Variants in PLSCR1 observed in about 807,000 individuals in gnomAD.
PLSCR1 encodes the protein phospholipid scramblase 1.
Under a neutral mutation model 37.8 loss-of-function variants are expected in PLSCR1, and 17 were observed. The ratio of observed to expected loss-of-function variants is 0.45; its 90% confidence interval spans 0.31 to 0.68. PLSCR1 has a LOEUF of 0.68. PLSCR1 is among the 30% of genes least tolerant of loss of function. The pLI is 0.06. For missense variants in PLSCR1, 347 were observed against 380.9 expected (o/e 0.91, Z 0.74); for synonymous variants, 116 against 125.9 (o/e 0.92, Z 0.53).
Position 146,524,755 on chromosome 3 carries a change from G to C in PLSCR1, c.355+850C>G, listed in dbSNP as rs767781139. On this transcript the variant is annotated intron_variant, in intron 5 of 8. Coordinates refer to ENST00000342435, the MANE Select transcript of PLSCR1 (RefSeq NM_021105.3). Reference sequence around the variant, plus strand: ...AATGTGCTTTACAAATAACTTCAATGTAATAGATGACAATTGTATATTTTA... The same window carrying C: ...AATGTGCTTTACAAATAACTTCAATCTAATAGATGACAATTGTATATTTTA... 7.2e-5 allele frequency among the ~76,000 whole-genome samples: 11 copies of C among 152,116 alleles called. No individual in the cohort carries two copies. The South Asian group carries it at 2.3e-3, about 32-fold the overall frequency.
Position 146,517,022 on chromosome 3 carries a change from C to A in PLSCR1, c.884G>T (p.Gly295Val), listed in dbSNP as rs1266270880. ...CAGACTTACAATGAGGAAACAGGCA[C>A]CAATCATTACAGCTTTCATTTTAAC... is the stretch of plus-strand genomic sequence containing the variant. ...LDVKMKAVMIGACFLIDFMFF... is the reference protein window; with the variant it reads ...LDVKMKAVMIVACFLIDFMFF... The change falls in exon 8 of 9, where the codon GGT becomes GTT. Residue 295 changes from glycine to valine, a missense_variant. Transcript: ENST00000342435. 1 of 1,593,356 alleles carries A rather than the reference C, an allele frequency of 6.3e-7. No homozygotes were observed. The highest frequency in any genetic ancestry group is 1.8e-5 in the Admixed American group (1 of 55,868).
intron 2 of PLSCR1, among the ~76,000 whole-genome samples, chr3:146,535,191 G>T (rs2044249854): frequency 6.6e-6 from 1 of 152,030 alleles, no homozygotes; most frequent in African/African-American, 2.4e-5. Flanking sequence ...CCCTTGACAG[G>T]TATGTCACAT....
chr3:146,526,131 C>T (rs139373114), intron 4 of PLSCR1, among the ~76,000 whole-genome samples: 1,602 of 129,386 alleles, frequency 0.012, 59 homozygotes, highest in East Asian at 0.12. Flanking sequence ...TGCAGTGAGC[C>T]GAGATCGCGC....
intron 2 of PLSCR1, 141 bp from the exon 3 acceptor site, chr3:146,533,691 G>C (rs561989234): frequency 2.2e-6 from 1 of 446,922 alleles, no homozygotes; most frequent in East Asian, 3.4e-5. Flanking sequence ...TTCACTTAAC[G>C]TAAGCTGTGC....
At chr3:146,544,194 G>A (rs965606075) in intron 1 of PLSCR1, among the ~76,000 whole-genome samples, 3 of 152,202 alleles carry the variant, frequency 2.0e-5, no homozygotes, top group African/African-American at 7.2e-5. Flanking sequence ...GAATGGTTCT[G>A]GGGTGAGCCC....
At chr3:146,534,163 A>ACTT (rs1174489371) in intron 2 of PLSCR1, among the ~76,000 whole-genome samples, 3 of 152,158 alleles carry the variant, frequency 2.0e-5, no homozygotes, top group African/African-American at 7.2e-5. Flanking sequence ...GCTTGAGTAA[A>ACTT]CTTAATATAT....
In PLSCR1 at chr3:146,528,833, T is replaced by C; in HGVS notation, c.95-2A>G. ...GGTAGCCACTATATCCTGGAGGTCCTGAAATACAAACAAGTGAAATGATTT... is the reference window on the plus strand; with the variant it reads ...GGTAGCCACTATATCCTGGAGGTCCCGAAATACAAACAAGTGAAATGATTT... On this transcript the variant is annotated splice_acceptor_variant, in intron 3 of 8. Coordinates refer to ENST00000342435, the MANE Select transcript of PLSCR1 (RefSeq NM_021105.3). LOFTEE classifies it high-confidence loss of function. 2 of 1,606,830 alleles carry C rather than the reference T, an allele frequency of 1.2e-6. No homozygotes were observed. Among genetic ancestry groups the C allele is most frequent in the Non-Finnish European group, 1.7e-6 (2 of 1,175,606 alleles).
intron 3 of PLSCR1, among the ~76,000 whole-genome samples, chr3:146,532,560 T>C (rs1258684443): frequency 6.6e-6 from 1 of 152,214 alleles, no homozygotes; most frequent in East Asian, 1.9e-4. Flanking sequence ...CTGGATGAGA[T>C]CCGGGACCCG....
chr3:146,525,651 T>C lies in PLSCR1; in HGVS notation c.313-4A>G, dbSNP rs541398951. The C allele has an allele frequency of 8.2e-6, 12 of 1,462,402 alleles. No individual in the cohort carries two copies. The highest frequency in any genetic ancestry group is 7.1e-5 in the South Asian group (6 of 84,450). 90.6% of individuals were successfully genotyped at this position (1,462,402 alleles called of 1,614,324 possible). ...GATGAATCAGTATCTGATCTATCTA[T>C]AGCAGGAAAAAAAATAAGTGGTATG... On this transcript the variant is annotated splice_region_variant and splice_polypyrimidine_tract_variant and intron_variant, in intron 4 of 8. Coordinates refer to ENST00000342435, the MANE Select transcript of PLSCR1 (RefSeq NM_021105.3).
intron 3 of PLSCR1, among the ~76,000 whole-genome samples, chr3:146,532,356 T>A (rs1480133353): frequency 6.6e-6 from 1 of 152,208 alleles, no homozygotes; most frequent in East Asian, 1.9e-4. Flanking sequence ...TTAGAATCAC[T>A]TGGGGTGTTA....
At chr3:146,538,536 A>G (rs1211468731) in intron 1 of PLSCR1, among the ~76,000 whole-genome samples, 1 of 152,104 alleles carries the variant, frequency 6.6e-6, no homozygotes, top group Admixed American at 6.6e-5. Context: ...CCTCTCTATA[A>G]CATGCTTAGC....
At chr3:146,534,915 C>T (rs2044246538) in intron 2 of PLSCR1, among the ~76,000 whole-genome samples, 1 of 151,990 alleles carries the variant, frequency 6.6e-6, no homozygotes, top group Non-Finnish European at 1.5e-5. Context: ...AAAACAACAA[C>T]AAAAAACAAA....
intron 1 of PLSCR1, 124 bp from the exon 2 acceptor site, chr3:146,536,689 G>T: frequency 1.6e-6 from 1 of 629,330 alleles, no homozygotes; most frequent in Non-Finnish European, 2.9e-6. Context: ...TATTCATCCA[G>T]CCCAGCCTTA....
At chr3:146,528,227 CACCCCAGAGTG>C (rs2044146078) in intron 4 of PLSCR1, 1 of 179,196 alleles carries the variant, frequency 5.6e-6, no homozygotes, top group Non-Finnish European at 1.2e-5. Flanking sequence ...TTTAGGTTCT[CACCCCAGAGTG>C]AGCTATATAA....
Position 146,533,458 on chromosome 3 carries a change from C to A in PLSCR1, c.94+12G>T. The A allele has an allele frequency of 6.6e-7, 1 of 1,521,452 alleles. No individual in the cohort carries two copies. 94.2% of individuals were successfully genotyped at this position (1,521,452 alleles called of 1,614,324 possible). A position where few individuals can be genotyped will look rare whatever the true frequency, so the allele number is the denominator to read the frequency against. On this transcript the variant is annotated intron_variant, in intron 3 of 8. Transcript: ENST00000342435. ...TTAATTTTACTTTTTCTTCTTTCAG[C>A]AACTGCTTTACCTTGGAATGCTGTC...
chr3:146,535,531 T>C (rs1560089526), intron 2 of PLSCR1, among the ~76,000 whole-genome samples: 1 of 152,236 alleles, frequency 6.6e-6, no homozygotes, highest in Non-Finnish European at 1.5e-5. Context: ...CATGTATGTA[T>C]ATATACATAT....
chr3:146,524,310 T>C (rs1292067194), intron 5 of PLSCR1, among the ~76,000 whole-genome samples: 1 of 152,164 alleles, frequency 6.6e-6, no homozygotes, highest in African/African-American at 2.4e-5. Context: ...TTCTGTGTTT[T>C]GAATTGAGAA....
At chr3:146,538,375 C>T (rs1013087201) in intron 1 of PLSCR1, among the ~76,000 whole-genome samples, 3 of 152,064 alleles carry the variant, frequency 2.0e-5, no homozygotes, top group Non-Finnish European at 4.4e-5. Flanking sequence ...CTTTAAAATG[C>T]CAATTTTTTA....
At chr3:146,527,047 G>C (rs557359436) in intron 4 of PLSCR1, among the ~76,000 whole-genome samples, 1 of 152,248 alleles carries the variant, frequency 6.6e-6, no homozygotes, top group African/African-American at 2.4e-5. Context: ...TGAGGCAAGA[G>C]AATAGCTTGA....
Sources: gnomAD v4.1 joint callset for allele counts (sites outside exome capture counted in the v4.1 genomes callset) on GRCh38, gnomAD v4.1.1 for gene constraint, MANE v1.5 for transcripts, NCBI Gene and HGNC (gene_info 2026-07-23, HGNC 2026-07-21) for gene names.